Variants in NDUFB5 observed in about 807,000 individuals in gnomAD.
The protein encoded by NDUFB5 is NADH dehydrogenase [ubiquinone] 1 beta subcomplex subunit 5, mitochondrial.
NDUFB5 carries 19 observed loss-of-function variants against 19.4 expected under a neutral mutation model. That is an observed-to-expected ratio of 0.98 (90% confidence interval 0.68 to 1.43). NDUFB5 has a LOEUF of 1.43. Ranked by LOEUF, NDUFB5 falls within the 40% of genes most tolerant of loss-of-function variation. The probability of loss-of-function intolerance (pLI) is 0.00; values close to 1 mark genes in which losing one functional copy is unlikely to be tolerated. For synonymous variants in NDUFB5, 80 were observed against 82.6 expected, an observed-to-expected ratio of 0.97 and a Z score of 0.17; for missense variants, 233 against 236.5, an observed-to-expected ratio of 0.99 and a Z score of 0.10.
At chr3:179,606,376 T>C (rs1719101466) in intron 1 of NDUFB5, among the ~76,000 whole-genome samples, 1 of 152,184 alleles carries the variant, frequency 6.6e-6, no homozygotes, top group Non-Finnish European at 1.5e-5. Context: ...TCTTGCTCTG[T>C]TGCCCAGGCT....
intron 5 of NDUFB5, among the ~76,000 whole-genome samples, chr3:179,623,402 G>T (rs1246942960): frequency 6.6e-6 from 1 of 152,236 alleles, no homozygotes; most frequent in Non-Finnish European, 1.5e-5. Flanking sequence ...GCCGGGTGCG[G>T]TGGCTCACGC....
chr3:179,624,114 G>C lies in NDUFB5; in HGVS notation c.*74G>C, dbSNP rs1307926250. ...ATTAATAAATATATTCTGTATTTTT[G>C]CTCTCCGTGAAAAACAAAAGAGCCT... is the stretch of plus-strand genomic sequence containing the variant. On this transcript the variant is annotated 3_prime_UTR_variant, in exon 6 of 6. Coordinates refer to ENST00000259037, the MANE Select transcript of NDUFB5 (RefSeq NM_002492.4). The C allele has an allele frequency of 6.6e-6, 9 of 1,373,452 alleles. No individual in the cohort carries two copies. In the East Asian group the frequency reaches 1.0e-4, roughly 16 times the overall value. The allele number at this position is 1,373,452 out of a possible 1,614,324, so 85.1% of individuals were successfully genotyped here.
rs561293331 is a variant in NDUFB5 at position 179,626,008 on chromosome 3, T to C, written c.*1968T>C. ...TGTGTAGTTTCTTGAGGAACCTTCA[T>C]GGTGTTCTTCATAGTGGTTGTACTA... On this transcript the variant is annotated 3_prime_UTR_variant, in exon 6 of 6. Transcript: ENST00000259037. 9.8e-5 allele frequency: 15 copies of C among 152,352 alleles called. No individual in the cohort carries two copies. Among genetic ancestry groups the C allele is most frequent in the African/African-American group, 3.1e-4 (13 of 41,584 alleles). 9.4% of individuals were successfully genotyped at this position (152,352 alleles called of 1,614,324 possible).
chr3:179,619,483 GAA>G, intron 5 of NDUFB5, among the ~76,000 whole-genome samples: 1 of 152,130 alleles, frequency 6.6e-6, no homozygotes, highest in Middle Eastern at 3.4e-3. Context: ...AGTTTGCTAA[GAA>G]TGATGGTTTC....
intron 1 of NDUFB5, among the ~76,000 whole-genome samples, chr3:179,607,520 G>A (rs938915676): frequency 3.9e-5 from 6 of 152,308 alleles, no homozygotes; most frequent in East Asian, 1.9e-4. Context: ...AGGTAGTTGT[G>A]AAGAGTGAGT....
At chr3:179,616,700 T>G (rs1719388165) in intron 3 of NDUFB5, among the ~76,000 whole-genome samples, 1 of 152,190 alleles carries the variant, frequency 6.6e-6, no homozygotes, top group Non-Finnish European at 1.5e-5. Flanking sequence ...AGGAATAATA[T>G]GTCTTTTATT....
At position 179,621,638 on chromosome 3, in the gene NDUFB5, C is replaced by T. The variant is rs191906732; in HGVS notation, c.450-2282C>T. 2.5e-3 allele frequency among the ~76,000 whole-genome samples: 375 copies of T among 151,058 alleles called. 2 individuals carry two copies. Among genetic ancestry groups the T allele is most frequent in the Admixed American group, 0.017 (258 of 15,164 alleles). ...CCGAGTAGCTGGGATTACAGGCGCC[C>T]GCCACCACACCCCGCAAATTTTTGT... On this transcript the variant is annotated intron_variant, in intron 5 of 5. Coordinates refer to ENST00000259037, the MANE Select transcript of NDUFB5 (RefSeq NM_002492.4).
chr3:179,610,133 C>T (rs537772333), intron 1 of NDUFB5, among the ~76,000 whole-genome samples: 8 of 152,240 alleles, frequency 5.3e-5, no homozygotes, highest in Admixed American at 4.6e-4. Context: ...TGCTCTGTCA[C>T]CCAGGCTGAA....
At chr3:179,606,310 GAGCACCTGTTACGTGTCA>G (rs1451522769) in intron 1 of NDUFB5, among the ~76,000 whole-genome samples, 5 of 152,092 alleles carry the variant, frequency 3.3e-5, no homozygotes, top group African/African-American at 1.2e-4. Context: ...AACATTTACT[GAGCACCTGTTACGTGTCA>G]AGCATCCTTT....
intron 5 of NDUFB5, among the ~76,000 whole-genome samples, chr3:179,619,470 G>C (rs532691247): frequency 4.0e-5 from 6 of 151,708 alleles, no homozygotes; most frequent in Non-Finnish European, 8.8e-5. Context: ...TTGTCCTTGC[G>C]ATAGTTTGCT....
intron 5 of NDUFB5, among the ~76,000 whole-genome samples, chr3:179,622,857 G>T (rs1185006130): frequency 6.6e-6 from 1 of 152,156 alleles, no homozygotes; most frequent in Non-Finnish European, 1.5e-5. Context: ...GAAAGTAAAA[G>T]GTTTGATGGA....
At chr3:179,615,548 G>T (rs1719354540) in intron 2 of NDUFB5, 1 of 458,480 alleles carries the variant, frequency 2.2e-6, no homozygotes, top group African/African-American at 2.0e-5. Flanking sequence ...CTATATTTCT[G>T]TCTCAAGGCT....
Position 179,625,868 on chromosome 3 carries a change from G to A in NDUFB5, c.*1828G>A, listed in dbSNP as rs1012846524. The A allele has an allele frequency of 3.3e-5, 5 of 152,164 alleles. No homozygotes were observed. Among genetic ancestry groups the A allele is most frequent in the African/African-American group, 1.2e-4 (5 of 41,434 alleles). The allele number at this position is 152,164 out of a possible 1,614,324, so 9.4% of individuals were successfully genotyped here. A position where few individuals can be genotyped will look rare whatever the true frequency, so the allele number is the denominator to read the frequency against. ...CAGTTCCATCCATGTTGCTACAAAT[G>A]ACAGAATCCCATTCTTTTTCATAAT... On this transcript the variant is annotated 3_prime_UTR_variant, in exon 6 of 6. Coordinates refer to ENST00000259037, the MANE Select transcript of NDUFB5 (RefSeq NM_002492.4).
rs80220991 is a variant in NDUFB5, at chr3:179,617,138, T to C, written c.342+94T>C. 1,236 of 998,036 alleles carry C rather than the reference T, an allele frequency of 1.2e-3. 4 individuals carry two copies. The highest frequency in any genetic ancestry group is 0.01 in the East Asian group (382 of 37,524). The allele number at this position is 998,036 out of a possible 1,614,324, so 61.8% of individuals were successfully genotyped here. ...TCAGCAATTATGATATAGTCAGGTT[T>C]TTTGTTTTGTTTTTTTTGAGACAGC... is the stretch of plus-strand genomic sequence containing the variant. On this transcript the variant is annotated intron_variant, in intron 4 of 5. Transcript: ENST00000259037.
At chr3:179,619,306 CA>C (rs148883636) in intron 5 of NDUFB5, among the ~76,000 whole-genome samples, 5,287 of 150,414 alleles carry the variant, frequency 0.035, 302 homozygotes, top group African/African-American at 0.11. Context: ...CCCATTAACT[CA>C]TTATTTAACA....
rs1719605569 is a variant in NDUFB5, at chr3:179,624,053, CCAAATA to C, written c.*18_*23del. The C allele has an allele frequency of 6.2e-7, 1 of 1,608,136 alleles. No individual in the cohort carries two copies. Among genetic ancestry groups the C allele is most frequent in the Non-Finnish European group, 8.5e-7 (1 of 1,175,444 alleles). ...TCCTGACAATTAAGCATTTTTTTCT[CCAAATA>C]CAAAGTATATTCTCTTTATTGGAAA... is the stretch of plus-strand genomic sequence containing the variant. On this transcript the variant is annotated 3_prime_UTR_variant, in exon 6 of 6. Coordinates refer to ENST00000259037, the MANE Select transcript of NDUFB5 (RefSeq NM_002492.4).
At position 179,618,430 on chromosome 3, in the gene NDUFB5, T is replaced by C. The variant is rs570986535; in HGVS notation, c.358T>C (p.Trp120Arg). 2 of 1,607,054 alleles carry C rather than the reference T, an allele frequency of 1.2e-6. No individual in the cohort carries two copies. Among genetic ancestry groups the C allele is most frequent in the Non-Finnish European group, 1.7e-6 (2 of 1,177,170 alleles). The change falls in exon 5 of 6, where the codon TGG becomes CGG. Residue 120 changes from tryptophan to arginine, a missense_variant. Physicochemically the swap from Trp to Arg is moderately radical, Grantham distance 101 (BLOSUM62 -3). Coordinates refer to ENST00000259037, the MANE Select transcript of NDUFB5 (RefSeq NM_002492.4). ...WEYYKHPISR[W>R]IARNFYDSPE... ...TCTCTTGTAGCATCCCATATCAAGA[T>C]GGATTGCCCGTAATTTCTATGATAG... is the stretch of plus-strand genomic sequence containing the variant.
intron 1 of NDUFB5, among the ~76,000 whole-genome samples, chr3:179,611,561 G>A (rs980994331): frequency 6.6e-6 from 1 of 151,046 alleles, no homozygotes; most frequent in Non-Finnish European, 1.5e-5. Flanking sequence ...CACAGGCCTG[G>A]CTAATTTTTT....
At chr3:179,612,147 C>T (rs921142928) in intron 1 of NDUFB5, among the ~76,000 whole-genome samples, 1 of 151,802 alleles carries the variant, frequency 6.6e-6, no homozygotes, top group Non-Finnish European at 1.5e-5. Flanking sequence ...AAGCAGATGG[C>T]CCTACTACAT....
Sources: allele counts gnomAD v4.1 joint callset (sites outside exome capture counted in the v4.1 genomes callset), GRCh38; gene constraint gnomAD v4.1.1; transcripts MANE v1.5; gene names NCBI Gene and HGNC (gene_info 2026-07-23, HGNC 2026-07-21).